ATP9A: variants seen among roughly 807,000 people sequenced by gnomAD.
ATP9A encodes the protein ATPase phospholipid transporting 9A, also known as probable phospholipid-transporting ATPase IIA.
ATP9A carries 52 observed loss-of-function variants against 144.1 expected under a neutral mutation model. The observed-to-expected ratio is 0.36, with a 90% CI of 0.29 to 0.45. The LOEUF (loss-of-function observed/expected upper bound fraction) is 0.45, where lower values mean the gene tolerates loss of function less well. ATP9A is among the 20% of genes least tolerant of loss of function. The probability of loss-of-function intolerance (pLI) is 1.00; values close to 1 mark genes in which losing one functional copy is unlikely to be tolerated. For synonymous variants in ATP9A, 582 were observed against 557.4 expected (o/e 1.04, Z -0.62); for missense variants, 947 against 1,392.7 (o/e 0.68, Z 5.09).
At chr20:51,603,529 C>T (rs1394616756) in intron 27 of ATP9A, among the ~76,000 whole-genome samples, 1 of 152,058 alleles carries the variant, frequency 6.6e-6, no homozygotes, top group Non-Finnish European at 1.5e-5. Flanking sequence ...ATGGGGTCAT[C>T]TTGGTGGCCC....
chr20:51,619,576 A>AGGGG (rs61359027), intron 19 of ATP9A, among the ~76,000 whole-genome samples: 2 of 86,624 alleles, frequency 2.3e-5, no homozygotes, highest in South Asian at 3.9e-4. Flanking sequence ...AAAAAAAAAA[A>AGGGG]GGGGGGGGGG....
chr20:51,728,916 T>C (rs577801842), intron 2 of ATP9A, among the ~76,000 whole-genome samples: 1 of 151,956 alleles, frequency 6.6e-6, no homozygotes, highest in Non-Finnish European at 1.5e-5. Flanking sequence ...TGGTGTGTGT[T>C]TGGAGGCAGT....
At chr20:51,707,429 T>C (rs550523424) in intron 4 of ATP9A, among the ~76,000 whole-genome samples, 1 of 152,222 alleles carries the variant, frequency 6.6e-6, no homozygotes, top group South Asian at 2.1e-4. Context: ...TTCAATACCA[T>C]CCACACTGGC....
intron 1 of ATP9A, among the ~76,000 whole-genome samples, chr20:51,743,417 T>TTTTTTTG (rs2077793509): frequency 6.8e-6 from 1 of 146,414 alleles, no homozygotes; most frequent in Non-Finnish European, 1.5e-5. Context: ...TTTTTTTTTT[T>TTTTTTTG]GAGACGGAGT....
At chr20:51,619,196 C>A (rs2077216074) in intron 19 of ATP9A, among the ~76,000 whole-genome samples, 153 bp from the exon 20 acceptor site, 1 of 152,208 alleles carries the variant, frequency 6.6e-6, no homozygotes, top group Non-Finnish European at 1.5e-5. Context: ...CAAATGGAAT[C>A]CTATTGGTTG....
rs1209615516 is a variant in ATP9A, at chr20:51,618,802, C to A, written c.2210G>T (p.Cys737Phe). 2 of 1,589,122 alleles carry A rather than the reference C, an allele frequency of 1.3e-6. No individual in the cohort carries two copies. Among genetic ancestry groups the A allele is most frequent in the South Asian group, 1.1e-5 (1 of 87,310 alleles). Residue 737 changes from cysteine to phenylalanine, a missense_variant, in exon 21 of 28, where the codon TGC becomes TTC. By Grantham distance (205) the Cys-to-Phe change is radical. Coordinates refer to ENST00000338821, the MANE Select transcript of ATP9A (RefSeq NM_006045.3). Reference sequence around the variant, plus strand: ...GAACTCGTACTCATAGTACTTGAGGCAAACCTGCAGGGTGGAGGGAGAGGT... The same window carrying A: ...GAACTCGTACTCATAGTACTTGAGGAAAACCTGCAGGGTGGAGGGAGAGGT... ...LVISGDSLEV[C>F]LKYYEYEFME...
At chr20:51,617,958 G>A (rs1051062529) in intron 21 of ATP9A, among the ~76,000 whole-genome samples, 5 of 152,202 alleles carry the variant, frequency 3.3e-5, no homozygotes, top group African/African-American at 1.2e-4. Context: ...AGTGGCTCAC[G>A]ACTATAATCT....
At chr20:51,716,891 G>C (rs753843924) in intron 3 of ATP9A, among the ~76,000 whole-genome samples, 4 of 152,104 alleles carry the variant, frequency 2.6e-5, no homozygotes, top group African/African-American at 2.4e-5. Flanking sequence ...CGACTTCTCA[G>C]AGTCAGCTGT....
intron 13 of ATP9A, among the ~76,000 whole-genome samples, chr20:51,666,486 G>A (rs1222318386): frequency 3.9e-5 from 6 of 152,078 alleles, no homozygotes; most frequent in Admixed American, 3.9e-4. Flanking sequence ...TTTGAGACCA[G>A]CCAGGCCAAC....
At position 51,606,045 on chromosome 20, in the gene ATP9A, G is replaced by A. The variant is rs1166811525; in HGVS notation, c.2804-1025C>T. 5.9e-5 allele frequency among the ~76,000 whole-genome samples: 9 copies of A among 152,154 alleles called. No individual in the cohort carries two copies. The East Asian group carries it at 7.7e-4, about 13-fold the overall frequency. On this transcript the variant is annotated intron_variant, in intron 26 of 27. Coordinates refer to ENST00000338821, the MANE Select transcript of ATP9A (RefSeq NM_006045.3). ...AACACTTTGGGAGGCCAAGGTGGGC[G>A]GATCACAAGGTCAGGAGTTCGAGAC...
chr20:51,739,092 G>A (rs1281484542), intron 1 of ATP9A, among the ~76,000 whole-genome samples: 1 of 152,088 alleles, frequency 6.6e-6, no homozygotes, highest in Non-Finnish European at 1.5e-5. Flanking sequence ...CTGGAGGGAC[G>A]CGTGTGAACC....
At chr20:51,727,057 G>A (rs778270270) in intron 2 of ATP9A, among the ~76,000 whole-genome samples, 1 of 151,770 alleles carries the variant, frequency 6.6e-6, no homozygotes, top group Non-Finnish European at 1.5e-5. Flanking sequence ...ACTTTGGGAG[G>A]CTGAGGCAGG....
intron 1 of ATP9A, among the ~76,000 whole-genome samples, chr20:51,758,980 G>A (rs1408695473): frequency 6.6e-6 from 1 of 152,174 alleles, no homozygotes. Context: ...CGGCACCCAT[G>A]TCCACACTCC....
At chr20:51,680,225 T>TAAAAAAAA (rs11478096) in intron 9 of ATP9A, among the ~76,000 whole-genome samples, 1 of 123,422 alleles carries the variant, frequency 8.1e-6, no homozygotes, top group Admixed American at 8.5e-5. Context: ...GAGACTGTCT[T>TAAAAAAAA]AAAAAAAAAA....
At chr20:51,737,571 T>C (rs1176331779) in intron 1 of ATP9A, among the ~76,000 whole-genome samples, 1 of 152,144 alleles carries the variant, frequency 6.6e-6, no homozygotes, top group African/African-American at 2.4e-5. Flanking sequence ...AGAAAAAGAA[T>C]ACAAAAGATA....
chr20:51,748,301 G>T (rs899476328), intron 1 of ATP9A, among the ~76,000 whole-genome samples: 1 of 152,086 alleles, frequency 6.6e-6, no homozygotes, highest in Non-Finnish European at 1.5e-5. Context: ...AAAAATGGAA[G>T]AAGAAGAAAA....
intron 14 of ATP9A, among the ~76,000 whole-genome samples, chr20:51,646,746 CA>C (rs1367972082): frequency 1.4e-5 from 1 of 69,472 alleles, no homozygotes; most frequent in East Asian, 5.5e-4. Flanking sequence ...AATACTGCTT[CA>C]ATTTTTTTTT....
chr20:51,658,174 G>A (rs1014912299), intron 13 of ATP9A, among the ~76,000 whole-genome samples: 1 of 152,150 alleles, frequency 6.6e-6, no homozygotes, highest in Non-Finnish European at 1.5e-5. Context: ...TCAACGAGAG[G>A]AGTGGCCGGG....
At chr20:51,676,017 T>A in intron 10 of ATP9A, 115 bp downstream of exon 10, 1 of 734,262 alleles carries the variant, frequency 1.4e-6, no homozygotes, top group Admixed American at 2.6e-5. Context: ...CATAAAAAGA[T>A]AAAATGTCTG....
Sources: allele counts gnomAD v4.1 joint callset (sites outside exome capture counted in the v4.1 genomes callset), GRCh38; gene constraint gnomAD v4.1.1; transcripts MANE v1.5; gene names NCBI Gene and HGNC (gene_info 2026-07-23, HGNC 2026-07-21).